MEF2C: variants seen among roughly 807,000 people sequenced by gnomAD.
The protein encoded by MEF2C is myocyte-specific enhancer factor 2C.
In MEF2C, 6 loss-of-function variants were observed where a neutral mutation model predicts 50.5. The observed-to-expected ratio is 0.12, with a 90% CI of 0.07 to 0.23. MEF2C has a LOEUF of 0.23. MEF2C is among the 10% of genes least tolerant of loss of function. The pLI is 1.00. For synonymous variants in MEF2C, 183 were observed against 228.0 expected (o/e 0.80, Z 1.78); for missense variants, 276 against 605.0 (o/e 0.46, Z 5.70).
intron 5 of MEF2C, chr5:88,751,042 T>C: frequency 2.1e-6 from 2 of 959,076 alleles, no homozygotes; most frequent in Non-Finnish European, 2.5e-6. Context: ...AATTTTGTTA[T>C]ATTCAATACG....
At chr5:88,850,124 C>T (rs1173567688) in intron 1 of MEF2C, among the ~76,000 whole-genome samples, 2 of 151,872 alleles carry the variant, frequency 1.3e-5, no homozygotes, top group African/African-American at 2.4e-5. Context: ...TGTGATGATC[C>T]CCTTCCTGTG....
chr5:88,751,011 C>A, intron 5 of MEF2C: 1 of 800,058 alleles, frequency 1.2e-6, no homozygotes, highest in Non-Finnish European at 1.5e-6. Context: ...TTTGATGCTG[C>A]TTCTGGAAAC....
intron 3 of MEF2C, 37 bp downstream of exon 3, chr5:88,804,561 T>C (rs1224070221): frequency 1.2e-6 from 2 of 1,604,736 alleles, no homozygotes; most frequent in South Asian, 2.2e-5. Flanking sequence ...CTCCCCTGCT[T>C]GCGGAGGCTT....
At chr5:88,780,288 T>C (rs1487822023) in intron 3 of MEF2C, among the ~76,000 whole-genome samples, 1 of 152,164 alleles carries the variant, frequency 6.6e-6, no homozygotes, top group Non-Finnish European at 1.5e-5. Context: ...GGTCAGCAAG[T>C]GGTTTGATTT....
chr5:88,837,092 T>C (rs1284339998), intron 1 of MEF2C, among the ~76,000 whole-genome samples: 3 of 152,000 alleles, frequency 2.0e-5, no homozygotes, highest in Non-Finnish European at 4.4e-5. Flanking sequence ...CATATTCTTC[T>C]ACATGCTGAA....
rs1350115684 is a variant in MEF2C, at chr5:88,720,130, T to A, written c.*2474A>T. 2 of 152,154 alleles carry A rather than the reference T, an allele frequency of 1.3e-5. No individual in the cohort carries two copies. Among genetic ancestry groups the A allele is most frequent in the Admixed American group, 6.6e-5 (1 of 15,262 alleles). 9.4% of individuals were successfully genotyped at this position (152,154 alleles called of 1,614,324 possible). A position where few individuals can be genotyped will look rare whatever the true frequency, so the allele number is the denominator to read the frequency against. On this transcript the variant is annotated 3_prime_UTR_variant, in exon 11 of 11. Coordinates refer to ENST00000504921, the MANE Select transcript of MEF2C (RefSeq NM_002397.5). ...ATTTGTGAAATGTTTGCATATTTTATACACATCAAGTTAGAAGGATGGGTT... is the reference window on the plus strand; with the variant it reads ...ATTTGTGAAATGTTTGCATATTTTAAACACATCAAGTTAGAAGGATGGGTT...
At chr5:88,779,479 G>A (rs1786630978) in intron 3 of MEF2C, among the ~76,000 whole-genome samples, 1 of 152,068 alleles carries the variant, frequency 6.6e-6, no homozygotes, top group African/African-American at 2.4e-5. Context: ...ATCAATGAAA[G>A]TTTTGTTGAT....
intron 1 of MEF2C, among the ~76,000 whole-genome samples, chr5:88,845,382 T>C (rs1373778516): frequency 6.6e-6 from 1 of 152,222 alleles, no homozygotes; most frequent in Non-Finnish European, 1.5e-5. Flanking sequence ...TAGAAGCAAC[T>C]GTAAGTAAGA....
rs577890428 is a variant in MEF2C, at chr5:88,742,903, T to C, written c.637+6167A>G. The C allele has an allele frequency of 1.5e-3, 1,464 of 984,110 alleles. 1 individual carries two copies. Among genetic ancestry groups the C allele is most frequent in the Non-Finnish European group, 1.7e-3 (1,384 of 828,884 alleles). The allele number at this position is 984,110 out of a possible 1,614,324, so 61.0% of individuals were successfully genotyped here. ...TTGAGGACTAGGTTTTTTTTTTTCT[T>C]TAATCTTGATAAACTTGGTTTGGGT... On this transcript the variant is annotated intron_variant, in intron 6 of 10. Coordinates refer to ENST00000504921, the MANE Select transcript of MEF2C (RefSeq NM_002397.5).
intron 3 of MEF2C, among the ~76,000 whole-genome samples, chr5:88,771,142 C>T (rs1486002592): frequency 6.6e-6 from 1 of 152,196 alleles, no homozygotes; most frequent in Non-Finnish European, 1.5e-5. Flanking sequence ...ATGATCCATC[C>T]CCAAGATTTA....
At chr5:88,783,192 T>C (rs1251167402) in intron 3 of MEF2C, among the ~76,000 whole-genome samples, 2 of 152,224 alleles carry the variant, frequency 1.3e-5, no homozygotes, top group East Asian at 3.8e-4. Context: ...ACTGCCATCA[T>C]GGTCGTCGTT....
At chr5:88,851,164 T>G (rs1431742898) in intron 1 of MEF2C, among the ~76,000 whole-genome samples, 1 of 133,772 alleles carries the variant, frequency 7.5e-6, no homozygotes, top group African/African-American at 3.0e-5. Flanking sequence ...ACCCGGGAGG[T>G]GGAGGTTGCA....
intron 4 of MEF2C, among the ~76,000 whole-genome samples, chr5:88,753,277 C>A (rs756517944): frequency 6.6e-6 from 1 of 152,118 alleles, no homozygotes; most frequent in Non-Finnish European, 1.5e-5. Context: ...TCCCATTTTT[C>A]TTTTCTTCCA....
intron 6 of MEF2C, chr5:88,734,706 A>C: frequency 1.0e-6 from 1 of 982,698 alleles, no homozygotes; most frequent in South Asian, 4.7e-5. Flanking sequence ...AAAAGTAAAT[A>C]TACATTGTAG....
Position 88,720,189 on chromosome 5 carries a change from T to C in MEF2C, c.*2415A>G, listed in dbSNP as rs1336390731. ...GGGATCAAGTCTATGGTGAGGAAAATGATTTTCTTATTTTATTCCCCTGTG... is the reference window on the plus strand; with the variant it reads ...GGGATCAAGTCTATGGTGAGGAAAACGATTTTCTTATTTTATTCCCCTGTG... On this transcript the variant is annotated 3_prime_UTR_variant, in exon 11 of 11. Transcript: ENST00000504921. The C allele has an allele frequency of 2.0e-5, 3 of 152,050 alleles. No homozygotes were observed. Among genetic ancestry groups the C allele is most frequent in the African/African-American group, 4.8e-5 (2 of 41,414 alleles). 9.4% of individuals were successfully genotyped at this position (152,050 alleles called of 1,614,324 possible). A position where few individuals can be genotyped will look rare whatever the true frequency, so the allele number is the denominator to read the frequency against.
At chr5:88,785,937 C>T (rs1037588844) in intron 3 of MEF2C, among the ~76,000 whole-genome samples, 2 of 152,010 alleles carry the variant, frequency 1.3e-5, no homozygotes, top group African/African-American at 2.4e-5. Flanking sequence ...ACTTTATCAT[C>T]GCCCGCATTC....
intron 1 of MEF2C, among the ~76,000 whole-genome samples, chr5:88,854,512 T>C (rs992787217): frequency 2.0e-5 from 3 of 152,212 alleles, no homozygotes; most frequent in African/African-American, 7.2e-5. Context: ...GTGGGAAAGA[T>C]AACACCATTG....
intron 1 of MEF2C, among the ~76,000 whole-genome samples, chr5:88,852,927 A>C (rs1056685247): frequency 2.6e-5 from 4 of 152,118 alleles, no homozygotes; most frequent in Non-Finnish European, 5.9e-5. Flanking sequence ...AAAAAAAAAA[A>C]AAGAATGTAG....
At chr5:88,762,518 T>C (rs1778318959) in intron 3 of MEF2C, among the ~76,000 whole-genome samples, 1 of 152,186 alleles carries the variant, frequency 6.6e-6, no homozygotes, top group Non-Finnish European at 1.5e-5. Flanking sequence ...TCTGCCTGCC[T>C]CAGCCTCCCA....
Sources: gnomAD v4.1 joint callset for allele counts (sites outside exome capture counted in the v4.1 genomes callset) on GRCh38, gnomAD v4.1.1 for gene constraint, MANE v1.5 for transcripts, NCBI Gene and HGNC (gene_info 2026-07-23, HGNC 2026-07-21) for gene names.